Variants in ARFIP1 observed in about 807,000 individuals in gnomAD.
ARFIP1 encodes the protein arfaptin-1.
Under a neutral mutation model 42.5 loss-of-function variants are expected in ARFIP1, and 24 were observed. The observed-to-expected ratio is 0.57, with a 90% CI of 0.41 to 0.80. ARFIP1 has a LOEUF of 0.80. Ranked by LOEUF, ARFIP1 falls within the 30% of genes least tolerant of loss-of-function variation. The pLI, the probability that ARFIP1 is intolerant of heterozygous loss-of-function variation, is 0.00. For missense variants in ARFIP1, 354 were observed against 434.0 expected (o/e 0.82, Z 1.64); for synonymous variants, 141 against 153.7 (o/e 0.92, Z 0.61).
intron 8 of ARFIP1, among the ~76,000 whole-genome samples, chr4:152,901,601 T>C (rs527747368): frequency 1.3e-5 from 2 of 152,296 alleles, no homozygotes; most frequent in South Asian, 4.1e-4. Flanking sequence ...TGATATTAGG[T>C]TTTCAAAATC....
chr4:152,789,080 C>CTTTTT (rs71598215), intron 1 of ARFIP1, among the ~76,000 whole-genome samples: 2 of 71,856 alleles, frequency 2.8e-5, no homozygotes, highest in Non-Finnish European at 2.6e-5. Context: ...AGAATACAGA[C>CTTTTT]TTTTTTTTTT....
At chr4:152,796,885 C>T (rs1477279296) in intron 1 of ARFIP1, 1 of 425,776 alleles carries the variant, frequency 2.3e-6, no homozygotes, top group Non-Finnish European at 4.2e-6. Context: ...CAAAAATGCT[C>T]TCCTTTACCT....
intron 5 of ARFIP1, among the ~76,000 whole-genome samples, chr4:152,879,958 A>AAAAT (rs1448245093): frequency 6.6e-6 from 1 of 152,258 alleles, no homozygotes; most frequent in African/African-American, 2.4e-5. Context: ...AGTTATTCTT[A>AAAAT]AAATGTATTA....
chr4:152,780,722 C>G (rs1436923451), intron 1 of ARFIP1, among the ~76,000 whole-genome samples: 2 of 152,164 alleles, frequency 1.3e-5, no homozygotes, highest in African/African-American at 4.8e-5. Flanking sequence ...ATGTCCCAAG[C>G]CTGACTAAGG....
At chr4:152,905,542 A>AT (rs1391678382) in intron 8 of ARFIP1, among the ~76,000 whole-genome samples, 1 of 45,970 alleles carries the variant, frequency 2.2e-5, no homozygotes, top group Non-Finnish European at 4.2e-5. Flanking sequence ...AATTGTAAGA[A>AT]TTGTTTTTTT....
chr4:152,853,637 T>G (rs1380406326), intron 2 of ARFIP1, among the ~76,000 whole-genome samples: 1 of 152,122 alleles, frequency 6.6e-6, no homozygotes, highest in Non-Finnish European at 1.5e-5. Flanking sequence ...GAGAAGATCT[T>G]TTTGTATTGT....
Position 152,911,912 on chromosome 4 carries a change from A to G in ARFIP1, c.*1693A>G, listed in dbSNP as rs1237343800. On this transcript the variant is annotated 3_prime_UTR_variant, in exon 9 of 9. Coordinates refer to ENST00000353617, the MANE Select transcript of ARFIP1 (RefSeq NM_001025595.3). ...TTATTAAACGTGTTTGCTGCAGTAA[A>G]TCGTTTCTCTGGACCTTCATAGTTT... 6.6e-6 allele frequency: 1 copy of G among 152,524 alleles called. No individual in the cohort carries two copies. Among genetic ancestry groups the G allele is most frequent in the Non-Finnish European group, 1.5e-5 (1 of 67,980 alleles). The allele number at this position is 152,524 out of a possible 1,614,324, so 9.4% of individuals were successfully genotyped here.
rs1737803399 is a variant in ARFIP1 at position 152,901,197 on chromosome 4, CTG to C, written c.967-8865_967-8864del. Among the ~76,000 whole-genome samples the C allele has an allele frequency of 3.3e-5, 5 of 152,208 alleles. No individual in the cohort carries two copies. The South Asian group carries it at 8.3e-4, about 25-fold the overall frequency. ...AAAAAGTTAATTTGGTAGAAATAAA[CTG>C]TCTTTTATATTATTTTGATGTGGAC... On this transcript the variant is annotated intron_variant, in intron 8 of 8. Transcript: ENST00000353617.
intron 1 of ARFIP1, among the ~76,000 whole-genome samples, chr4:152,783,166 G>T (rs909212264): frequency 1.3e-5 from 2 of 151,960 alleles, no homozygotes; most frequent in African/African-American, 2.4e-5. Context: ...AAAATTAGCC[G>T]GGTGTGTGTT....
At chr4:152,822,300 A>G (rs1287477958) in intron 1 of ARFIP1, among the ~76,000 whole-genome samples, 5 of 141,512 alleles carry the variant, frequency 3.5e-5, no homozygotes, top group Non-Finnish European at 6.0e-5. Context: ...CAGCAGTAAA[A>G]AAAAAAAAAA....
chr4:152,907,277 A>T (rs887816519), intron 8 of ARFIP1, among the ~76,000 whole-genome samples: 3 of 152,174 alleles, frequency 2.0e-5, no homozygotes, highest in African/African-American at 7.2e-5. Context: ...ATAAAATGGG[A>T]ACATTGTGAA....
At chr4:152,867,096 C>T (rs952675696) in intron 3 of ARFIP1, among the ~76,000 whole-genome samples, 6 of 152,036 alleles carry the variant, frequency 3.9e-5, no homozygotes, top group South Asian at 2.1e-4. Context: ...GACGGGGTGG[C>T]GGCCGGGCAG....
At chr4:152,901,507 C>T (rs1157029688) in intron 8 of ARFIP1, among the ~76,000 whole-genome samples, 4 of 152,142 alleles carry the variant, frequency 2.6e-5, no homozygotes, top group Admixed American at 6.5e-5. Context: ...TGGTTTTGCT[C>T]ATTGTTTGGC....
chr4:152,912,341 T>C lies in ARFIP1; in HGVS notation c.*2122T>C, dbSNP rs1252947954. 9.9e-5 allele frequency: 15 copies of C among 152,208 alleles called. No homozygotes were observed. Among genetic ancestry groups the C allele is most frequent in the Non-Finnish European group, 1.5e-4 (10 of 68,014 alleles). 9.4% of individuals were successfully genotyped at this position (152,208 alleles called of 1,614,324 possible). On this transcript the variant is annotated 3_prime_UTR_variant, in exon 9 of 9. Coordinates refer to ENST00000353617, the MANE Select transcript of ARFIP1 (RefSeq NM_001025595.3). Reference sequence around the variant, plus strand: ...AGTACCTTCCCAAGTGAATAAATACTGCATGGAACCACTCAACACCTCTGA... The same window carrying C: ...AGTACCTTCCCAAGTGAATAAATACCGCATGGAACCACTCAACACCTCTGA...
chr4:152,876,796 T>C (rs1735382711), intron 5 of ARFIP1, among the ~76,000 whole-genome samples: 1 of 152,214 alleles, frequency 6.6e-6, no homozygotes, highest in South Asian at 2.1e-4. Flanking sequence ...GCCTAGGGAC[T>C]TAATGCCCTG....
chr4:152,782,447 A>G (rs1250248798), intron 1 of ARFIP1, among the ~76,000 whole-genome samples: 1 of 152,222 alleles, frequency 6.6e-6, no homozygotes, highest in Non-Finnish European at 1.5e-5. Context: ...TCTTAGGGAT[A>G]GCTGTTTGTG....
At chr4:152,849,971 T>C (rs2149864702) in intron 2 of ARFIP1, among the ~76,000 whole-genome samples, 1 of 149,188 alleles carries the variant, frequency 6.7e-6, no homozygotes, top group East Asian at 2.0e-4. Flanking sequence ...AAGTCTAAAA[T>C]GTCTTTTATC....
At chr4:152,889,340 T>C (rs918922284) in intron 8 of ARFIP1, among the ~76,000 whole-genome samples, 8 of 151,238 alleles carry the variant, frequency 5.3e-5, no homozygotes, top group African/African-American at 1.7e-4. Flanking sequence ...GTTTTTAAGC[T>C]GCTATGGGTG....
intron 1 of ARFIP1, among the ~76,000 whole-genome samples, chr4:152,784,090 G>A (rs1730657956): frequency 6.6e-6 from 1 of 152,146 alleles, no homozygotes; most frequent in Admixed American, 6.5e-5. Context: ...AAATTAAACA[G>A]GAAACTTTAA....
Sources: gnomAD v4.1 joint callset for allele counts (sites outside exome capture counted in the v4.1 genomes callset) on GRCh38, gnomAD v4.1.1 for gene constraint, MANE v1.5 for transcripts, NCBI Gene and HGNC (gene_info 2026-07-23, HGNC 2026-07-21) for gene names.